Variants in ATL2 observed in about 807,000 individuals in gnomAD.
The protein encoded by ATL2 is atlastin GTPase 2.
ATL2 carries 31 observed loss-of-function variants against 73.9 expected under a neutral mutation model. That is an observed-to-expected ratio of 0.42 (90% CI 0.32 to 0.57). ATL2 has a LOEUF of 0.57. Ranked by LOEUF, ATL2 falls within the 20% of genes least tolerant of loss-of-function variation. The pLI is 0.14. For missense variants in ATL2, 738 were observed against 702.6 expected, an observed-to-expected ratio of 1.05 and a Z score of -0.57; for synonymous variants, 291 against 237.5, an observed-to-expected ratio of 1.23 and a Z score of -2.07.
rs55953657 is a variant in ATL2, at chr2:38,340,171, TGGGGGGG to T, written c.363+3090_363+3096del. 8.8e-4 allele frequency among the ~76,000 whole-genome samples: 15 copies of T among 17,076 alleles called. 4 individuals are homozygous for T. Among genetic ancestry groups the T allele is most frequent in the Non-Finnish European group, 8.3e-4 (5 of 6,056 alleles). 11.2% of individuals were successfully genotyped at this position (17,076 alleles called of 152,430 possible). On this transcript the variant is annotated intron_variant, in intron 2 of 12. Transcript: ENST00000378954. ...AGTTCAGAACAGCAGTTAGTTTTGGTGGGGGGGGGGGGGGGGTAGACATTAACTGAGA... is the reference window on the plus strand; with the variant it reads ...AGTTCAGAACAGCAGTTAGTTTTGGTGGGGGGGGGTAGACATTAACTGAGA...
intron 2 of ATL2, among the ~76,000 whole-genome samples, chr2:38,324,611 T>A (rs1573482934): frequency 1.3e-5 from 2 of 152,330 alleles, no homozygotes; most frequent in East Asian, 3.9e-4. Context: ...TCTTCCCATC[T>A]GGGGCTGGAC....
At chr2:38,311,677 G>A (rs955989532) in intron 7 of ATL2, among the ~76,000 whole-genome samples, 1 of 152,184 alleles carries the variant, frequency 6.6e-6, no homozygotes, top group Non-Finnish European at 1.5e-5. Flanking sequence ...ACTGGTAGAG[G>A]GTTTTGGGGG....
chr2:38,336,504 C>A (rs1669364249), intron 2 of ATL2, among the ~76,000 whole-genome samples: 1 of 152,122 alleles, frequency 6.6e-6, no homozygotes, highest in Non-Finnish European at 1.5e-5. Context: ...TCACACATAT[C>A]CTCCCATCAG....
intron 4 of ATL2, among the ~76,000 whole-genome samples, chr2:38,316,676 T>A (rs1668041058): frequency 6.6e-6 from 1 of 152,184 alleles, no homozygotes; most frequent in African/African-American, 2.4e-5. Context: ...CATTTCTGAC[T>A]GCACACAACA....
At position 38,313,140 on chromosome 2, in the gene ATL2, T is replaced by C. The variant is rs773336894; in HGVS notation, c.804+11A>G. 3 of 1,597,742 alleles carry C rather than the reference T, an allele frequency of 1.9e-6. No homozygotes were observed. Among genetic ancestry groups the C allele is most frequent in the Non-Finnish European group, 2.6e-6 (3 of 1,167,438 alleles). On this transcript the variant is annotated intron_variant, in intron 7 of 12. Coordinates refer to ENST00000378954, the MANE Select transcript of ATL2 (RefSeq NM_001135673.4). Reference sequence around the variant, plus strand: ...TGCTTATGTTCTCCTCTTTAAGCATTAGGGTCTTACCTGTAATCTCTTTTC... The same window carrying C: ...TGCTTATGTTCTCCTCTTTAAGCATCAGGGTCTTACCTGTAATCTCTTTTC...
chr2:38,310,484 A>G, intron 7 of ATL2, 37 bp from the exon 8 acceptor site: 3 of 1,560,446 alleles, frequency 1.9e-6, no homozygotes, highest in Non-Finnish European at 2.6e-6. Context: ...TTGTAAACAG[A>G]AGAAAGAAAA....
intron 1 of ATL2, among the ~76,000 whole-genome samples, chr2:38,376,765 G>C (rs1329475207): frequency 6.6e-6 from 1 of 151,914 alleles, no homozygotes; most frequent in African/African-American, 2.4e-5. Flanking sequence ...TCGCCGGACG[G>C]AGCGGAGCCG....
chr2:38,343,869 A>C (rs760756389), intron 1 of ATL2, among the ~76,000 whole-genome samples: 1 of 152,194 alleles, frequency 6.6e-6, no homozygotes, highest in African/African-American at 2.4e-5. Context: ...TGATGATTTT[A>C]TAAGAGGTTT....
chr2:38,302,112 G>A (rs1284026823), intron 9 of ATL2, among the ~76,000 whole-genome samples: 2 of 152,168 alleles, frequency 1.3e-5, no homozygotes, highest in Non-Finnish European at 2.9e-5. Context: ...GTCTTGAGGG[G>A]TATGACCAAG....
intron 1 of ATL2, among the ~76,000 whole-genome samples, chr2:38,361,821 TAA>T (rs1360103610): frequency 6.6e-6 from 1 of 152,196 alleles, no homozygotes; most frequent in Admixed American, 6.5e-5. Flanking sequence ...AACAACCCAG[TAA>T]CTTAGCTATT....
intron 2 of ATL2, among the ~76,000 whole-genome samples, chr2:38,322,119 A>G (rs921880793): frequency 6.6e-6 from 1 of 152,132 alleles, no homozygotes; most frequent in African/African-American, 2.4e-5. Flanking sequence ...TTTGTTCACC[A>G]AACTGCTCCT....
chr2:38,367,462 CG>C (rs531126070), intron 1 of ATL2, among the ~76,000 whole-genome samples: 1 of 150,580 alleles, frequency 6.6e-6, no homozygotes, highest in Non-Finnish European at 1.5e-5. Flanking sequence ...AAAAATTAGC[CG>C]GGCATGGTGG....
At chr2:38,361,595 T>C (rs1457653255) in intron 1 of ATL2, among the ~76,000 whole-genome samples, 3 of 152,290 alleles carry the variant, frequency 2.0e-5, no homozygotes, top group East Asian at 3.9e-4. Flanking sequence ...ATTTTCTCTT[T>C]TAAAAAGGAT....
At chr2:38,310,197 T>C (rs966868339) in intron 8 of ATL2, 112 bp downstream of exon 8, 2 of 1,237,492 alleles carry the variant, frequency 1.6e-6, no homozygotes, top group East Asian at 2.4e-5. Context: ...GAACAATGCA[T>C]CCAAACATTC....
chr2:38,346,357 T>A (rs1489389540), intron 1 of ATL2, among the ~76,000 whole-genome samples: 1 of 152,092 alleles, frequency 6.6e-6, no homozygotes, highest in African/African-American at 2.4e-5. Flanking sequence ...ACATGTAAAG[T>A]TGACCAGGTT....
intron 2 of ATL2, among the ~76,000 whole-genome samples, chr2:38,342,533 C>T (rs910409637): frequency 1.3e-5 from 2 of 152,132 alleles, no homozygotes; most frequent in African/African-American, 4.8e-5. Context: ...AGATGAGATT[C>T]AGAGATCATG....
intron 9 of ATL2, among the ~76,000 whole-genome samples, chr2:38,308,499 G>A (rs974577007): frequency 1.3e-5 from 2 of 151,988 alleles, no homozygotes; most frequent in Non-Finnish European, 2.9e-5. Flanking sequence ...GATGGTTAAT[G>A]GGTACAAAAA....
intron 9 of ATL2, 135 bp from the exon 10 acceptor site, chr2:38,300,463 T>C (rs980090192): frequency 1.4e-5 from 8 of 588,182 alleles, no homozygotes; most frequent in African/African-American, 1.3e-4. Context: ...AATCACCTTA[T>C]TCCAACAAAG....
intron 1 of ATL2, among the ~76,000 whole-genome samples, chr2:38,364,160 G>A (rs1479791650): frequency 6.6e-6 from 1 of 152,162 alleles, no homozygotes; most frequent in Admixed American, 6.6e-5. Flanking sequence ...TACTCAGGAG[G>A]CTGAGGCAGA....
Sources: gnomAD v4.1 joint callset for allele counts (sites outside exome capture counted in the v4.1 genomes callset) on GRCh38, gnomAD v4.1.1 for gene constraint, MANE v1.5 for transcripts, NCBI Gene and HGNC (gene_info 2026-07-23, HGNC 2026-07-21) for gene names.